SIK3: variants seen among roughly 807,000 people sequenced by gnomAD.
The protein encoded by SIK3 is SIK family kinase 3.
In SIK3, 28 loss-of-function variants were observed where a neutral mutation model predicts 144.2. The observed-to-expected ratio is 0.19, with a 90% CI of 0.14 to 0.27. SIK3 has a LOEUF of 0.27. SIK3 is among the 10% of genes least tolerant of loss of function. SIK3 has a pLI of 1.00. For synonymous variants in SIK3, 686 were observed against 676.3 expected, an observed-to-expected ratio of 1.01 and a Z score of -0.22; for missense variants, 1,319 against 1,776.0, an observed-to-expected ratio of 0.74 and a Z score of 4.62.
chr11:116,988,738 G>A (rs1426765318), intron 1 of SIK3, among the ~76,000 whole-genome samples: 2 of 151,690 alleles, frequency 1.3e-5, no homozygotes, highest in Non-Finnish European at 2.9e-5. Context: ...AGCCTTCAGT[G>A]AGCCATGATC....
At position 116,858,268 on chromosome 11, in the gene SIK3, A is replaced by G. The variant is rs149318611; in HGVS notation, c.3197T>C (p.Leu1066Pro). ...ATCCCCTTGGTTCATGTGCCTGAAC[A>G]GTTCCTGGTATTCTTGCTGTTGCTG... ...QQQQQQEYQE[L>P]FRHMNQGDAG... The change falls in exon 21 of 25, where the codon CTG (leucine) becomes CCG (proline). Residue 1066 changes from leucine to proline, a missense_variant. Leu to Pro is a moderately conservative substitution (Grantham distance 98). Transcript: ENST00000445177. This position sits in a 1 kb window ranked among gnomAD's most constrained non-coding sequence, Gnocchi z 5.4. 1.3e-4 allele frequency: 206 copies of G among 1,613,730 alleles called. No homozygotes were observed. Among genetic ancestry groups the G allele is most frequent in the Non-Finnish European group, 5.3e-5 (62 of 1,179,720 alleles).
At chr11:116,863,948 T>C (rs541549405) in intron 15 of SIK3, 130 bp from the exon 16 acceptor site, 1 of 898,210 alleles carries the variant, frequency 1.1e-6, no homozygotes, top group South Asian at 1.8e-5. Flanking sequence ...TATGCCACTT[T>C]CATGCCATTT....
chr11:117,035,697 G>C (rs1260194992), intron 1 of SIK3: 2 of 804,834 alleles, frequency 2.5e-6, no homozygotes, highest in Admixed American at 2.1e-5. Flanking sequence ...TGGGACTACA[G>C]GTGCATGCCA....
In SIK3 at chr11:117,052,240, G is replaced by A. The variant is rs535611534; in HGVS notation, c.273+45903C>T. ...CAAGCTAAAACTTGGAACTTTCCTT[G>A]TATATGATGGGGTATTTTGCGAGGA... On this transcript the variant is annotated intron_variant, in intron 1 of 24. Transcript: ENST00000445177. Among the ~76,000 whole-genome samples, 50 of 152,288 alleles carry A rather than the reference G, an allele frequency of 3.3e-4. 1 individual carries two copies. The highest frequency in any genetic ancestry group is 1.2e-3 in the African/African-American group (50 of 41,560).
chr11:116,909,469 T>A (rs752249031), intron 4 of SIK3, among the ~76,000 whole-genome samples: 1 of 152,208 alleles, frequency 6.6e-6, no homozygotes. Flanking sequence ...GAGTGCCAAT[T>A]ACTACACAGG....
At chr11:116,914,108 C>A (rs10892045) in intron 4 of SIK3, among the ~76,000 whole-genome samples, 17,973 of 146,860 alleles carry the variant, frequency 0.12, 1,151 homozygotes, top group South Asian at 0.16. Context: ...AACAAACAAA[C>A]AAAAAAAAAC....
intron 1 of SIK3, among the ~76,000 whole-genome samples, chr11:116,977,451 A>T (rs1238601722): frequency 6.6e-6 from 1 of 152,124 alleles, no homozygotes; most frequent in Non-Finnish European, 1.5e-5. Flanking sequence ...TCGCCTCCCA[A>T]AAATCTCTGC....
In SIK3 at chr11:117,098,339, A is replaced by C; in HGVS notation, c.77T>G (p.Leu26Arg). ...GGACCCCGGCGCGGGCGGAGGCAGC[A>C]GGCGGCCCGCGGGCCCGGCTCCCCC... ...GTGGAGPAGR[L>R]LPPPAPGSPA... Residue 26 changes from leucine to arginine, a missense_variant, in exon 1 of 25, where the codon CTG (leucine) becomes CGG (arginine). By Grantham distance (102) the Leu-to-Arg change is moderately radical. Transcript: ENST00000445177. 8.7e-7 allele frequency: 1 copy of C among 1,151,376 alleles called. No homozygotes were observed. Among genetic ancestry groups the C allele is most frequent in the Non-Finnish European group, 1.1e-6 (1 of 939,866 alleles). The allele number at this position is 1,151,376 out of a possible 1,614,324, so 71.3% of individuals were successfully genotyped here.
intron 1 of SIK3, among the ~76,000 whole-genome samples, chr11:117,020,886 T>G (rs1267741282): frequency 6.6e-6 from 1 of 152,170 alleles, no homozygotes; most frequent in Non-Finnish European, 1.5e-5. Flanking sequence ...TAAGGGGATA[T>G]TGGGAAACCA....
Position 116,873,524 on chromosome 11 carries a change from A to G in SIK3, c.1694T>C (p.Leu565Pro), listed in dbSNP as rs1415281147. The part of the protein sequence containing the change: ...ANIQLHAQQL[L>P]KRPRGPSPLV... ...CGGAGAGGGTCCCCGTGGGCGCTTCAGCAGCTGCTGGGCATGCAGTTGGAT... is the reference window on the plus strand; with the variant it reads ...CGGAGAGGGTCCCCGTGGGCGCTTCGGCAGCTGCTGGGCATGCAGTTGGAT... Residue 565 changes from leucine to proline, a missense_variant, in exon 13 of 25, where the codon CTG (leucine) becomes CCG (proline). Transcript: ENST00000445177. 6.2e-7 allele frequency: 1 copy of G among 1,613,720 alleles called. No individual in the cohort carries two copies. The highest frequency in any genetic ancestry group is 1.7e-5 in the Admixed American group (1 of 59,888).
intron 1 of SIK3, among the ~76,000 whole-genome samples, chr11:116,962,923 A>T (rs1949399450): frequency 6.6e-6 from 1 of 152,172 alleles, no homozygotes; most frequent in Non-Finnish European, 1.5e-5. Context: ...AAAAATTGTA[A>T]ATAATATATG....
At chr11:117,076,836 C>T (rs1018296316) in intron 1 of SIK3, among the ~76,000 whole-genome samples, 3 of 152,096 alleles carry the variant, frequency 2.0e-5, no homozygotes, top group East Asian at 1.9e-4. Context: ...CCACTGCACC[C>T]GGCTGCCTTA....
chr11:117,062,917 C>T (rs369487212), intron 1 of SIK3, among the ~76,000 whole-genome samples: 3 of 152,280 alleles, frequency 2.0e-5, no homozygotes, highest in Admixed American at 6.5e-5. Context: ...AAAAAACATA[C>T]GTATTAAAAG....
chr11:116,863,924 G>A (rs1213002898), intron 15 of SIK3, 106 bp from the exon 16 acceptor site: 2 of 1,219,790 alleles, frequency 1.6e-6, no homozygotes, highest in Non-Finnish European at 2.3e-6. Flanking sequence ...GGCTGCCCAG[G>A]TAGCCCTGCA....
At position 116,846,650 on chromosome 11, in the gene SIK3, C is replaced by T; in HGVS notation, c.3953-97G>A. ...GAGGAATTGAAGGCAACCTGTCGAGCATCCCACAGCCTGACTCCCAGCCCT... is the reference window on the plus strand; with the variant it reads ...GAGGAATTGAAGGCAACCTGTCGAGTATCCCACAGCCTGACTCCCAGCCCT... On this transcript the variant is annotated intron_variant, in intron 23 of 24. Transcript: ENST00000445177. This position sits in a 1 kb window ranked among gnomAD's most constrained non-coding sequence, Gnocchi z 4.1. The T allele has an allele frequency of 7.2e-7, 1 of 1,391,000 alleles. No individual in the cohort carries two copies. The highest frequency in any genetic ancestry group is 1.3e-5 in the South Asian group (1 of 76,990). 86.2% of individuals were successfully genotyped at this position (1,391,000 alleles called of 1,614,324 possible). A position where few individuals can be genotyped will look rare whatever the true frequency, so the allele number is the denominator to read the frequency against.
chr11:116,954,236 C>A, intron 2 of SIK3, 129 bp from the exon 3 acceptor site: 1 of 674,218 alleles, frequency 1.5e-6, no homozygotes, highest in African/African-American at 1.8e-5. Flanking sequence ...AAATTTAAAA[C>A]ATTTTTGGGG....
At chr11:117,090,782 C>G (rs565353869) in intron 1 of SIK3, among the ~76,000 whole-genome samples, 1 of 152,268 alleles carries the variant, frequency 6.6e-6, no homozygotes, top group Non-Finnish European at 1.5e-5. Context: ...CCATAGGGTA[C>G]TAAAAGTTAG....
At chr11:116,928,423 T>C (rs1293978293) in intron 3 of SIK3, among the ~76,000 whole-genome samples, 1 of 152,178 alleles carries the variant, frequency 6.6e-6, no homozygotes, top group Non-Finnish European at 1.5e-5. Flanking sequence ...ATATTTGCCA[T>C]CCTAAGCATC....
At chr11:117,013,966 T>TC (rs1376783538) in intron 1 of SIK3, among the ~76,000 whole-genome samples, 7,801 of 68,830 alleles carry the variant, frequency 0.11, 1,570 homozygotes, top group African/African-American at 0.16. Flanking sequence ...TTTCTTTTTT[T>TC]CTTTTCTTTT....
Sources: allele counts gnomAD v4.1 joint callset (sites outside exome capture counted in the v4.1 genomes callset), GRCh38; gene constraint gnomAD v4.1.1; non-coding constraint Gnocchi (gnomAD v3.1); transcripts MANE v1.5; gene names NCBI Gene and HGNC (gene_info 2026-07-23, HGNC 2026-07-21).